Variants in OPCML observed in about 807,000 individuals in gnomAD.
OPCML encodes the protein opioid binding protein/cell adhesion molecule like, also known as opioid-binding protein/cell adhesion molecule.
In OPCML, 13 loss-of-function variants were observed where a neutral mutation model predicts 37.8. The ratio of observed to expected loss-of-function variants is 0.34; its 90% confidence interval spans 0.22 to 0.55. The LOEUF (loss-of-function observed/expected upper bound fraction) is 0.55. Ranked by LOEUF, OPCML falls within the 20% of genes least tolerant of loss-of-function variation. OPCML has a pLI of 0.91. For missense variants in OPCML, 341 were observed against 435.6 expected (o/e 0.78, Z 1.93); for synonymous variants, 176 against 168.8 (o/e 1.04, Z -0.33).
At chr11:132,939,237 A>C (rs938471495) in intron 2 of OPCML, among the ~76,000 whole-genome samples, 1 of 152,240 alleles carries the variant, frequency 6.6e-6, no homozygotes, top group Non-Finnish European at 1.5e-5. Flanking sequence ...AAACACACCC[A>C]GGCAAACAAC....
intron 1 of OPCML, among the ~76,000 whole-genome samples, chr11:133,352,605 G>T (rs530732201): frequency 6.6e-6 from 1 of 152,308 alleles, no homozygotes; most frequent in African/African-American, 2.4e-5. Context: ...CTGAGGATAA[G>T]GACTTAACTC....
chr11:132,918,056 T>C (rs1236688910), intron 2 of OPCML, among the ~76,000 whole-genome samples: 1 of 152,236 alleles, frequency 6.6e-6, no homozygotes, highest in East Asian at 1.9e-4. Context: ...TAGTTCTATG[T>C]CACTGGTGTT....
intron 1 of OPCML, among the ~76,000 whole-genome samples, chr11:133,213,937 A>G (rs1361288750): frequency 2.6e-5 from 4 of 152,192 alleles, no homozygotes; most frequent in Non-Finnish European, 5.9e-5. Flanking sequence ...AAATAGCAGA[A>G]TACTTAAGCC....
chr11:133,349,627 G>C (rs1200084542), intron 1 of OPCML, among the ~76,000 whole-genome samples: 1 of 152,112 alleles, frequency 6.6e-6, no homozygotes, highest in East Asian at 1.9e-4. Flanking sequence ...ATCTGTTTAA[G>C]ACACCTGAGC....
At chr11:132,719,288 A>G (rs982846247) in intron 2 of OPCML, among the ~76,000 whole-genome samples, 3 of 152,170 alleles carry the variant, frequency 2.0e-5, no homozygotes, top group African/African-American at 7.2e-5. Context: ...CTGTGTGGTA[A>G]ATGGCTTGTT....
At chr11:133,369,007 A>T (rs1046295098) in intron 1 of OPCML, among the ~76,000 whole-genome samples, 2 of 152,246 alleles carry the variant, frequency 1.3e-5, no homozygotes, top group Non-Finnish European at 2.9e-5. Flanking sequence ...TAATACTAAA[A>T]ATCCAAGGCA....
intron 1 of OPCML, among the ~76,000 whole-genome samples, chr11:133,307,256 A>G (rs538958426): frequency 6.6e-6 from 1 of 152,216 alleles, no homozygotes; most frequent in Admixed American, 6.5e-5. Context: ...GTGGCATAAG[A>G]GATGAAATTC....
chr11:132,561,909 G>A (rs187729989), intron 3 of OPCML, among the ~76,000 whole-genome samples: 300 of 152,302 alleles, frequency 2.0e-3, no homozygotes, highest in Admixed American at 3.6e-3. Context: ...GGAGCCTCTA[G>A]CCTAGTGTCC....
rs542743373 is a variant in OPCML, at chr11:133,162,299, A to C, written c.62-219289T>G. On this transcript the variant is annotated intron_variant, in intron 1 of 7. Transcript: ENST00000524381. Reference sequence around the variant, plus strand: ...GACGTGCAGGACAAGGCCCAGAAGCAACAAGAAGGCACTCTCAGGGCTGGT... The same window carrying C: ...GACGTGCAGGACAAGGCCCAGAAGCCACAAGAAGGCACTCTCAGGGCTGGT... 3.3e-5 allele frequency among the ~76,000 whole-genome samples: 5 copies of C among 152,338 alleles called. No individual in the cohort carries two copies. In the South Asian group the frequency reaches 8.3e-4, roughly 25 times the overall value.
At chr11:132,675,506 C>T (rs182938485) in intron 2 of OPCML, among the ~76,000 whole-genome samples, 28 of 151,890 alleles carry the variant, frequency 1.8e-4, no homozygotes, top group African/African-American at 3.9e-4. Flanking sequence ...TATGTCTCTG[C>T]GAATGAAATA....
At chr11:132,585,795 G>A (rs1445628418) in intron 3 of OPCML, among the ~76,000 whole-genome samples, 1 of 152,170 alleles carries the variant, frequency 6.6e-6, no homozygotes, top group Non-Finnish European at 1.5e-5. Context: ...ACCATCTCTT[G>A]CCCAGTTTCT....
At chr11:133,132,015 A>C (rs1466702889) in intron 1 of OPCML, among the ~76,000 whole-genome samples, 1 of 152,204 alleles carries the variant, frequency 6.6e-6, no homozygotes, top group Admixed American at 6.5e-5. Flanking sequence ...AACTTTTAGA[A>C]ACTTTCATAA....
chr11:133,259,321 A>G (rs1451303777), intron 1 of OPCML, among the ~76,000 whole-genome samples: 2 of 152,220 alleles, frequency 1.3e-5, no homozygotes, highest in African/African-American at 4.8e-5. Flanking sequence ...TAACCTCATC[A>G]TTCACCTTCT....
intron 2 of OPCML, among the ~76,000 whole-genome samples, chr11:132,757,281 A>T (rs1946088097): frequency 6.6e-6 from 1 of 152,216 alleles, no homozygotes; most frequent in Admixed American, 6.5e-5. Context: ...GTGTCTTTAT[A>T]GTAGAATGAT....
intron 1 of OPCML, among the ~76,000 whole-genome samples, chr11:133,451,621 T>C (rs1263418966): frequency 6.6e-6 from 1 of 151,474 alleles, no homozygotes; most frequent in African/African-American, 2.5e-5. Flanking sequence ...GGGGAGCAGA[T>C]CACCTGAGGT....
chr11:133,067,408 G>A (rs901973084), intron 1 of OPCML: 2 of 152,116 alleles, frequency 1.3e-5, no homozygotes, highest in African/African-American at 2.4e-5. Context: ...GAGAATATTC[G>A]CTCTGTGGGA....
chr11:133,079,543 G>A (rs145173393), intron 1 of OPCML, among the ~76,000 whole-genome samples: 21 of 151,768 alleles, frequency 1.4e-4, no homozygotes, highest in Middle Eastern at 3.4e-3. Flanking sequence ...AAATCTGCCC[G>A]AGTACTCTAC....
chr11:132,476,706 G>A (rs182494259), intron 4 of OPCML, among the ~76,000 whole-genome samples: 1 of 152,056 alleles, frequency 6.6e-6, no homozygotes, highest in Admixed American at 6.5e-5. Context: ...GGAGGGAGCA[G>A]GGATGGATAG....
chr11:133,485,119 A>G (rs978088004), intron 1 of OPCML, among the ~76,000 whole-genome samples: 1 of 152,192 alleles, frequency 6.6e-6, no homozygotes, highest in African/African-American at 2.4e-5. Flanking sequence ...ATCGAAAAAC[A>G]ACATAGTTAT....
Sources: allele counts gnomAD v4.1 joint callset (sites outside exome capture counted in the v4.1 genomes callset), GRCh38; gene constraint gnomAD v4.1.1; transcripts MANE v1.5; gene names NCBI Gene and HGNC (gene_info 2026-07-23, HGNC 2026-07-21).